Variants in UBE3D observed in about 807,000 individuals in gnomAD.
The protein encoded by UBE3D is ubiquitin protein ligase E3D.
Under a neutral mutation model 49.6 loss-of-function variants are expected in UBE3D, and 48 were observed. The observed-to-expected ratio is 0.97, with a 90% CI of 0.77 to 1.23. The LOEUF is 1.23. UBE3D is among the 50% of genes most tolerant of loss of function. UBE3D has a pLI of 0.00. For synonymous variants in UBE3D, 189 were observed against 174.2 expected (o/e 1.08, Z -0.67); for missense variants, 452 against 468.4 (o/e 0.96, Z 0.32).
Position 83,065,821 on chromosome 6 carries a change from C to T in UBE3D, c.-103G>A, listed in dbSNP as rs1449328513. Reference sequence around the variant, plus strand: ...CGTGCGGACCAACCAGCGGCAGCCCCGCTGCGGCGCAGGCGCCTGTGCCAG... The same window carrying T: ...CGTGCGGACCAACCAGCGGCAGCCCTGCTGCGGCGCAGGCGCCTGTGCCAG... On this transcript the variant is annotated 5_prime_UTR_variant, in exon 1 of 10. Coordinates refer to ENST00000369747, the MANE Select transcript of UBE3D (RefSeq NM_198920.3). The T allele has an allele frequency of 3.3e-6, 4 of 1,226,662 alleles. No individual in the cohort carries two copies. The Admixed American group carries it at 9.0e-5, about 28-fold the overall frequency. The allele number at this position is 1,226,662 out of a possible 1,614,324, so 76.0% of individuals were successfully genotyped here. A position where few individuals can be genotyped will look rare whatever the true frequency, so the allele number is the denominator to read the frequency against.
chr6:82,925,202 C>A (rs1773657257), intron 9 of UBE3D: 1 of 152,112 alleles, frequency 6.6e-6, no homozygotes, highest in South Asian at 2.1e-4. Flanking sequence ...TCTACCTTAA[C>A]AATAAAATAA....
At chr6:83,045,970 C>A (rs1782998030) in intron 3 of UBE3D, among the ~76,000 whole-genome samples, 1 of 152,094 alleles carries the variant, frequency 6.6e-6, no homozygotes, top group African/African-American at 2.4e-5. Flanking sequence ...ACAGAATATT[C>A]TTCAATCTGA....
At chr6:82,965,001 G>A (rs1293228126) in intron 8 of UBE3D, among the ~76,000 whole-genome samples, 1 of 151,980 alleles carries the variant, frequency 6.6e-6, no homozygotes, top group Non-Finnish European at 1.5e-5. Flanking sequence ...TGCCAAAATT[G>A]GTCTTTAATT....
intron 7 of UBE3D, among the ~76,000 whole-genome samples, chr6:83,020,310 G>C (rs907223843): frequency 1.3e-5 from 2 of 148,954 alleles, no homozygotes; most frequent in Non-Finnish European, 3.0e-5. Flanking sequence ...GAAGCAAGCA[G>C]GTTGCAGAAA....
intron 9 of UBE3D, 101 bp from the exon 10 acceptor site, chr6:82,893,143 T>A: frequency 1.5e-6 from 2 of 1,367,908 alleles, no homozygotes; most frequent in Non-Finnish European, 2.1e-6. Context: ...GTCAATAAGA[T>A]CATATGCTTG....
At chr6:82,923,373 G>C (rs963444502) in intron 9 of UBE3D, among the ~76,000 whole-genome samples, 1 of 152,166 alleles carries the variant, frequency 6.6e-6, no homozygotes, top group South Asian at 2.1e-4. Flanking sequence ...AGAATACTAC[G>C]CAGCCATAAA....
At chr6:83,004,278 T>C (rs1030047509) in intron 8 of UBE3D, among the ~76,000 whole-genome samples, 1 of 152,320 alleles carries the variant, frequency 6.6e-6, no homozygotes, top group South Asian at 2.1e-4. Context: ...AGGAAAAATA[T>C]ACATTCACAG....
chr6:82,980,338 T>C (rs567053695), intron 8 of UBE3D, among the ~76,000 whole-genome samples: 2 of 152,236 alleles, frequency 1.3e-5, no homozygotes, highest in South Asian at 4.1e-4. Flanking sequence ...TGATGATTAG[T>C]GATGTTAAGT....
chr6:82,961,618 C>T (rs531083321), intron 8 of UBE3D, among the ~76,000 whole-genome samples: 1 of 152,186 alleles, frequency 6.6e-6, no homozygotes, highest in African/African-American at 2.4e-5. Flanking sequence ...CCAAGCAAAC[C>T]ATAAGTAGGA....
At chr6:82,987,060 T>G (rs1298927951) in intron 8 of UBE3D, among the ~76,000 whole-genome samples, 1 of 151,960 alleles carries the variant, frequency 6.6e-6, no homozygotes, top group Non-Finnish European at 1.5e-5. Flanking sequence ...TCCTCCTCCC[T>G]CAGCCTCCTG....
intron 3 of UBE3D, among the ~76,000 whole-genome samples, chr6:83,052,129 A>G (rs963315506): frequency 1.3e-5 from 2 of 152,210 alleles, no homozygotes; most frequent in African/African-American, 2.4e-5. Context: ...CCATTCTCCT[A>G]GCAACCATAT....
downstream of UBE3D, among the ~76,000 whole-genome samples, chr6:82,888,310 T>C (rs1770925400): frequency 6.6e-6 from 1 of 151,406 alleles, no homozygotes. Flanking sequence ...TAGGTTTTTT[T>C]TTTTTAAGCA....
chr6:82,997,986 AT>A (rs1562167199), intron 8 of UBE3D, among the ~76,000 whole-genome samples: 11 of 151,954 alleles, frequency 7.2e-5, no homozygotes. Context: ...AAGTACGGGA[AT>A]TTTTTCTGAC....
chr6:83,062,475 G>A (rs977429910), intron 1 of UBE3D, among the ~76,000 whole-genome samples: 2 of 152,090 alleles, frequency 1.3e-5, no homozygotes, highest in South Asian at 2.1e-4. Flanking sequence ...CTCCCACTAG[G>A]CCCTATGTCT....
At chr6:82,946,032 A>C (rs1775376892) in intron 9 of UBE3D, among the ~76,000 whole-genome samples, 1 of 152,202 alleles carries the variant, frequency 6.6e-6, no homozygotes, top group Admixed American at 6.5e-5. Context: ...TCAAGGGGCA[A>C]ATTTAAGAGT....
chr6:82,936,351 C>T (rs1582399057), intron 9 of UBE3D, among the ~76,000 whole-genome samples: 1 of 152,262 alleles, frequency 6.6e-6, no homozygotes. Flanking sequence ...CAATGAAAAG[C>T]AGCTGATGGT....
At chr6:82,985,849 C>T (rs2127724987) in intron 8 of UBE3D, among the ~76,000 whole-genome samples, 1 of 152,222 alleles carries the variant, frequency 6.6e-6, no homozygotes, top group South Asian at 2.1e-4. Flanking sequence ...GAAATCAGGT[C>T]TATTTCTGTT....
intron 9 of UBE3D, among the ~76,000 whole-genome samples, chr6:82,917,186 G>C (rs1309435055): frequency 2.0e-5 from 3 of 152,144 alleles, no homozygotes; most frequent in African/African-American, 7.2e-5. Flanking sequence ...GCACTCTCCT[G>C]AGAGATTACA....
rs111909125 is a variant in UBE3D at position 83,032,512 on chromosome 6, T to C, written c.667+5904A>G. 9.7e-3 allele frequency among the ~76,000 whole-genome samples: 1,471 copies of C among 152,304 alleles called. 22 individuals carry two copies. Among genetic ancestry groups the C allele is most frequent in the African/African-American group, 0.034 (1,397 of 41,548 alleles). On this transcript the variant is annotated intron_variant, in intron 5 of 9. Coordinates refer to ENST00000369747, the MANE Select transcript of UBE3D (RefSeq NM_198920.3). ...GTTTTTGATTTTAAAGTCTCATAGG[T>C]GGAAGGGACTTGCCTTGTATCCGAT...
Sources: gnomAD v4.1 joint callset for allele counts (sites outside exome capture counted in the v4.1 genomes callset) on GRCh38, gnomAD v4.1.1 for gene constraint, MANE v1.5 for transcripts, NCBI Gene and HGNC (gene_info 2026-07-23, HGNC 2026-07-21) for gene names.